The following IL1RN variants were observed in gnomAD, a reference collection of about 807,000 sequenced individuals.
The protein encoded by IL1RN is interleukin 1 receptor antagonist.
A neutral mutation model predicts 13.7 loss-of-function variants in IL1RN; 10 were observed. That is an observed-to-expected ratio of 0.73 (90% CI 0.45 to 1.24). The LOEUF (loss-of-function observed/expected upper bound fraction) is 1.24, where lower values mean the gene tolerates loss of function less well. IL1RN is among the 50% of genes most tolerant of loss of function. The pLI, the probability that IL1RN is intolerant of heterozygous loss-of-function variation, is 0.00. For synonymous variants in IL1RN, 102 were observed against 82.7 expected, an observed-to-expected ratio of 1.23 and a Z score of -1.27; for missense variants, 213 against 222.1, an observed-to-expected ratio of 0.96 and a Z score of 0.26.
upstream of IL1RN, chr2:113,127,454 G>A (rs1687000159): frequency 2.1e-6 from 3 of 1,410,870 alleles, no homozygotes; most frequent in Non-Finnish European, 2.8e-6. Context: ...ACTTAGTGGG[G>A]TTGAAAGTGA....
the IL1RN span, among the ~76,000 whole-genome samples, chr2:113,101,740 C>G: frequency 6.6e-6 from 1 of 152,138 alleles, no homozygotes; most frequent in Non-Finnish European, 1.5e-5. Context: ...CAGATTGGAG[C>G]TGGGGAAGAG....
chr2:113,099,580 G>A, the IL1RN span, among the ~76,000 whole-genome samples: 4 of 152,056 alleles, frequency 2.6e-5, no homozygotes, highest in African/African-American at 4.8e-5. Context: ...GGACTTTCTC[G>A]GCTTTCCTGG....
the IL1RN span, among the ~76,000 whole-genome samples, chr2:113,101,204 T>C: frequency 2.2e-3 from 329 of 152,298 alleles, 2 homozygotes; most frequent in African/African-American, 7.6e-3. Context: ...ATAAGAGTCT[T>C]AAAGTTGTCT....
upstream of IL1RN, among the ~76,000 whole-genome samples, chr2:113,115,233 T>TC (rs1435563404): frequency 6.6e-6 from 1 of 152,134 alleles, no homozygotes; most frequent in African/African-American, 2.4e-5. Context: ...GATGCACCTC[T>TC]CCCCTGGCTG....
chr2:113,116,814 A>G (rs552797129), upstream of IL1RN, among the ~76,000 whole-genome samples: 1 of 152,184 alleles, frequency 6.6e-6, no homozygotes, highest in East Asian at 1.9e-4. Flanking sequence ...AATGCATGTG[A>G]TTTACAGAGC....
At chr2:113,117,721 T>A (rs1269850294), upstream of IL1RN, 4 of 563,134 alleles carry the variant, frequency 7.1e-6, no homozygotes, top group African/African-American at 5.6e-5. Context: ...CTTACGCAGA[T>A]AAGAACCAGT....
chr2:113,124,827 C>G (rs1197948387), upstream of IL1RN, among the ~76,000 whole-genome samples: 1 of 152,132 alleles, frequency 6.6e-6, no homozygotes, highest in African/African-American at 2.4e-5. Context: ...CACCCCCACC[C>G]TCACCCTGTG....
At chr2:113,120,159 A>G (rs1326620993) in intron 2 of IL1RN, 5 of 1,497,738 alleles carry the variant, frequency 3.3e-6, no homozygotes, top group Non-Finnish European at 4.7e-6. Flanking sequence ...AAGTTTGAAA[A>G]CAATTTTAGG....
chr2:113,132,839 G>C lies in IL1RN; in HGVS notation c.502G>C (p.Val168Leu), dbSNP rs537765533. The C allele has an allele frequency of 2.5e-6, 4 of 1,614,256 alleles. No individual in the cohort carries two copies. In the South Asian group the frequency reaches 4.4e-5, roughly 18 times the overall value. The change falls in exon 4 of 4, where the codon GTC becomes CTC. Residue 168 changes from valine (V) to leucine (L), a missense_variant. Physicochemically the swap from Val to Leu is conservative, Grantham distance 32 (BLOSUM62 1). Transcript: ENST00000409930. ...LTNMPDEGVM[V>L]TKFYFQEDE Reference sequence around the variant, plus strand: ...CAATATGCCTGACGAAGGCGTCATGGTCACCAAATTCTACTTCCAGGAGGA... The same window carrying C: ...CAATATGCCTGACGAAGGCGTCATGCTCACCAAATTCTACTTCCAGGAGGA...
upstream of IL1RN, chr2:113,115,682 CT>C (rs1458387969): frequency 6.6e-6 from 1 of 152,270 alleles, no homozygotes; most frequent in Non-Finnish European, 1.5e-5. Context: ...GGATGTTGGG[CT>C]CCAGGCTTCT....
At chr2:113,117,729 A>C (rs530907401), upstream of IL1RN, 24 of 571,194 alleles carry the variant, frequency 4.2e-5, no homozygotes, top group Admixed American at 6.4e-4. Flanking sequence ...GATAAGAACC[A>C]GTTTGGTTTC....
chr2:113,100,076 A>G, the IL1RN span, among the ~76,000 whole-genome samples: 1 of 139,992 alleles, frequency 7.1e-6, no homozygotes, highest in Non-Finnish European at 1.5e-5. Flanking sequence ...TAATCCCAGC[A>G]CTTTGGGAGG....
At chr2:113,120,035 A>G in intron 1 of IL1RN, 1 of 1,584,498 alleles carries the variant, frequency 6.3e-7, no homozygotes, top group Non-Finnish European at 8.7e-7. Flanking sequence ...CTTTCTCTCT[A>G]CACAATGGGG....
At chr2:113,129,532 C>A in intron 1 of IL1RN, 44 bp from the exon 2 acceptor site, 1 of 1,225,606 alleles carries the variant, frequency 8.2e-7, no homozygotes, top group Non-Finnish European at 1.2e-6. Flanking sequence ...CAAGGCTGGG[C>A]ACATGGTGGC....
At chr2:113,116,350 C>T (rs566026713), upstream of IL1RN, among the ~76,000 whole-genome samples, 1 of 152,336 alleles carries the variant, frequency 6.6e-6, no homozygotes, top group South Asian at 2.1e-4. Context: ...CTTTAGTCAG[C>T]AGGAATTTCT....
exon 1 of IL1RN, chr2:113,117,995 C>G: frequency 7.0e-7 from 1 of 1,418,552 alleles, no homozygotes; most frequent in Non-Finnish European, 1.0e-6. Context: ...CTCAGAAGAC[C>G]TCCTGTCCTA....
At chr2:113,123,311 C>T (rs756946159), upstream of IL1RN, among the ~76,000 whole-genome samples, 25 of 152,134 alleles carry the variant, frequency 1.6e-4, no homozygotes, top group Non-Finnish European at 2.9e-4. Context: ...GAGGTGGAGC[C>T]CAGCACTGGT....
chr2:113,101,234 C>T, the IL1RN span, among the ~76,000 whole-genome samples: 9 of 152,140 alleles, frequency 5.9e-5, no homozygotes, highest in Admixed American at 3.9e-4. Context: ...GACCTTTGTC[C>T]TCTCTGGTAG....
rs4252005 is a variant in IL1RN, at chr2:113,128,008, G to T, written c.116+268G>T. Among the ~76,000 whole-genome samples the T allele has an allele frequency of 3.2e-3, 487 of 152,356 alleles. 2 individuals are homozygous for T. The highest frequency in any genetic ancestry group is 0.011 in the African/African-American group (474 of 41,582). On this transcript the variant is annotated intron_variant, in intron 1 of 3. Transcript: ENST00000409930. ...CAGTGAGTAATAGATGCATGCCAAG[G>T]AGTGGGACTGCGATTCAGGCCTAGT... is the stretch of plus-strand genomic sequence containing the variant.
Sources: allele counts gnomAD v4.1 joint callset (sites outside exome capture counted in the v4.1 genomes callset), GRCh38; gene constraint gnomAD v4.1.1; transcripts MANE v1.5; gene names NCBI Gene and HGNC (gene_info 2026-07-23, HGNC 2026-07-21).